The following NIPBL variants were observed in gnomAD, a reference collection of about 807,000 sequenced individuals.
NIPBL encodes the protein nipped-B-like protein.
In NIPBL, 19 loss-of-function variants were observed where a neutral mutation model predicts 321.8. The ratio of observed to expected loss-of-function variants is 0.06; its 90% CI spans 0.04 to 0.09. The LOEUF is 0.09. Among genes scored for constraint, NIPBL ranks in the 10% least tolerant of loss-of-function variants. NIPBL has a pLI of 1.00. For missense variants in NIPBL, 2,210 were observed against 3,327.0 expected (o/e 0.66, Z 8.26); for synonymous variants, 1,106 against 1,114.1 (o/e 0.99, Z 0.14).
intron 1 of NIPBL, among the ~76,000 whole-genome samples, chr5:36,888,404 G>C (rs761979843): frequency 1.3e-5 from 2 of 151,954 alleles, no homozygotes; most frequent in African/African-American, 2.4e-5. Flanking sequence ...TGCATTTCAT[G>C]GAGTTGTATA....
intron 32 of NIPBL, among the ~76,000 whole-genome samples, chr5:37,032,118 A>G (rs1160474404): frequency 1.3e-5 from 2 of 152,170 alleles, no homozygotes; most frequent in Non-Finnish European, 2.9e-5. Flanking sequence ...ATCATTCTGT[A>G]TTTTAACAGT....
intron 35 of NIPBL, 53 bp downstream of exon 35, chr5:37,044,540 T>C: frequency 6.3e-7 from 1 of 1,593,716 alleles, no homozygotes; most frequent in Middle Eastern, 1.7e-4. Flanking sequence ...TTCTAATGTA[T>C]TTTATTAAAA....
At chr5:36,963,562 G>A (rs144217604) in intron 6 of NIPBL, among the ~76,000 whole-genome samples, 2 of 151,840 alleles carry the variant, frequency 1.3e-5, no homozygotes, top group Admixed American at 1.3e-4. Context: ...AGCACTGTAG[G>A]AGGCTGGGGC....
Position 36,986,017 on chromosome 5 carries a change from TGGG to T in NIPBL, c.2841_2843del (p.Gly948del), listed in dbSNP as rs1369177636. 3.1e-6 allele frequency: 5 copies of T among 1,613,902 alleles called. No homozygotes were observed. Among genetic ancestry groups the T allele is most frequent in the Admixed American group, 1.7e-5 (1 of 59,962 alleles). ...AAGGCAGAATTTCCAAGTTATTTGT[TGGG>T]GGGCAGGTCTGGTGCGTTGAAAAAT... On this transcript the variant is annotated inframe_deletion, in exon 10 of 47. Transcript: ENST00000282516.
chr5:37,062,057 G>T (rs1039627249), intron 45 of NIPBL, among the ~76,000 whole-genome samples: 1 of 152,184 alleles, frequency 6.6e-6, no homozygotes, highest in Non-Finnish European at 1.5e-5. Context: ...GGCCAGGCTG[G>T]TCTCAAACTC....
chr5:36,974,538 A>G (rs927500594), intron 8 of NIPBL, among the ~76,000 whole-genome samples: 9 of 152,120 alleles, frequency 5.9e-5, no homozygotes, highest in African/African-American at 1.9e-4. Context: ...TTCATGTTCC[A>G]TTTCTGAAAA....
chr5:36,935,287 A>G (rs1750072601), intron 1 of NIPBL, among the ~76,000 whole-genome samples: 1 of 152,038 alleles, frequency 6.6e-6, no homozygotes, highest in African/African-American at 2.4e-5. Context: ...AACCTCCAAC[A>G]TCTCTTCTTC....
At position 37,045,419 on chromosome 5, in the gene NIPBL, GTAAA is replaced by G. The variant is rs1440448068; in HGVS notation, c.6344-21_6344-18del. 4 of 1,510,950 alleles carry G rather than the reference GTAAA, an allele frequency of 2.6e-6. No individual in the cohort carries two copies. The allele number at this position is 1,510,950 out of a possible 1,614,324, so 93.6% of individuals were successfully genotyped here. A position where few individuals can be genotyped will look rare whatever the true frequency, so the allele number is the denominator to read the frequency against. On this transcript the variant is annotated intron_variant, in intron 36 of 46. Coordinates refer to ENST00000282516, the MANE Select transcript of NIPBL (RefSeq NM_133433.4). ...AGTAATTCAAAGATAAATATTATAA[GTAAA>G]TATTACTTATCTTTATTAGGTGCCA... is the stretch of plus-strand genomic sequence containing the variant.
At chr5:36,958,044 TAA>T (rs1741177257) in intron 3 of NIPBL, 58 bp from the exon 4 acceptor site, 13 of 1,540,600 alleles carry the variant, frequency 8.4e-6, no homozygotes, top group East Asian at 2.3e-5. Context: ...TTTTATATGA[TAA>T]GTCTTCTTAA....
intron 1 of NIPBL, among the ~76,000 whole-genome samples, chr5:36,949,224 G>T (rs1740010812): frequency 6.6e-6 from 1 of 151,802 alleles, no homozygotes; most frequent in South Asian, 2.1e-4. Flanking sequence ...GGGGAGCTTG[G>T]ATTCAAACAC....
intron 43 of NIPBL, among the ~76,000 whole-genome samples, chr5:37,057,982 T>C (rs1404375595): frequency 6.6e-6 from 1 of 152,236 alleles, no homozygotes; most frequent in Non-Finnish European, 1.5e-5. Flanking sequence ...TTTTATAAAA[T>C]TGTATTGCTC....
chr5:36,999,380 A>C (rs1746523130), intron 11 of NIPBL, among the ~76,000 whole-genome samples: 1 of 152,230 alleles, frequency 6.6e-6, no homozygotes, highest in Non-Finnish European at 1.5e-5. Flanking sequence ...AAGGTAGGAC[A>C]CATCACTTCT....
At chr5:37,012,153 T>C (rs183411405) in intron 21 of NIPBL, among the ~76,000 whole-genome samples, 1 of 148,934 alleles carries the variant, frequency 6.7e-6, no homozygotes, top group Admixed American at 6.6e-5. Context: ...TTTTTTTTTT[T>C]CTTTTTGTTT....
At chr5:37,016,315 C>T (rs1461794160) in intron 23 of NIPBL, 145 bp downstream of exon 23, 3 of 862,842 alleles carry the variant, frequency 3.5e-6, no homozygotes, top group South Asian at 1.6e-5. Context: ...TAACTGTACA[C>T]AATATTGTCA....
chr5:36,938,697 G>A (rs1248598226), intron 1 of NIPBL, among the ~76,000 whole-genome samples: 1 of 152,000 alleles, frequency 6.6e-6, no homozygotes, highest in Admixed American at 6.6e-5. Flanking sequence ...TTTTAATTTT[G>A]AAATAATGTA....
rs34760816 is a variant in NIPBL at position 36,956,616 on chromosome 5, C to CTT, written c.230+1004_230+1005dup. Among the ~76,000 whole-genome samples, 97 of 79,484 alleles carry CTT rather than the reference C, an allele frequency of 1.2e-3. 5 individuals carry two copies. The highest frequency in any genetic ancestry group is 2.3e-3 in the African/African-American group (44 of 18,898). The allele number at this position is 79,484 out of a possible 152,430, so 52.1% of individuals were successfully genotyped here. A position where few individuals can be genotyped will look rare whatever the true frequency, so the allele number is the denominator to read the frequency against. On this transcript the variant is annotated intron_variant, in intron 3 of 46. Transcript: ENST00000282516. ...AAATTCAGCAATATCTAAATCACTT[C>CTT]TTTTTTTTTTTTTTTTTTTTTTTTT...
At chr5:36,946,415 CAT>C (rs568531788) in intron 1 of NIPBL, among the ~76,000 whole-genome samples, 73 of 152,166 alleles carry the variant, frequency 4.8e-4, no homozygotes, top group African/African-American at 1.6e-3. Flanking sequence ...CTCCCTTAAA[CAT>C]GTGGATGGTA....
At chr5:36,926,820 C>T (rs946850597) in intron 1 of NIPBL, among the ~76,000 whole-genome samples, 1 of 152,052 alleles carries the variant, frequency 6.6e-6, no homozygotes, top group Non-Finnish European at 1.5e-5. Context: ...GGTTTTTAAT[C>T]TGCCACATTG....
At position 36,985,295 on chromosome 5, in the gene NIPBL, A is replaced by G. The variant is rs1243682983; in HGVS notation, c.2115A>G (p.Gln705=). The G allele has an allele frequency of 1.9e-6, 3 of 1,613,618 alleles. No individual in the cohort carries two copies. Among genetic ancestry groups the G allele is most frequent in the Non-Finnish European group, 2.5e-6 (3 of 1,179,956 alleles). ...AATCAAGGCCTGAAACCCCAAAGCA[A>G]AAGGGTGAAAGCCGGCCTGAGACTC... ...TTKSRPETPK[Q]KGESRPETPK... The change falls in exon 10 of 47, where the codon CAA becomes CAG. Residue 705 remains glutamine, a synonymous_variant. Coordinates refer to ENST00000282516, the MANE Select transcript of NIPBL (RefSeq NM_133433.4).
Sources: allele counts gnomAD v4.1 joint callset (sites outside exome capture counted in the v4.1 genomes callset), GRCh38; gene constraint gnomAD v4.1.1; transcripts MANE v1.5; gene names NCBI Gene and HGNC (gene_info 2026-07-23, HGNC 2026-07-21).